Variants in ADAM22 observed in about 807,000 individuals in gnomAD.
ADAM22 encodes disintegrin and metalloproteinase domain-containing protein 22.
In ADAM22, 65 loss-of-function variants were observed where a neutral mutation model predicts 144.6. That is an observed-to-expected ratio of 0.45 (90% confidence interval 0.37 to 0.55). ADAM22 has a LOEUF of 0.55. Among genes scored for constraint, ADAM22 ranks in the 20% least tolerant of loss-of-function variants. ADAM22 has a pLI of 0.00. For synonymous variants in ADAM22, 391 were observed against 412.6 expected (o/e 0.95, Z 0.63); for missense variants, 974 against 1,184.9 (o/e 0.82, Z 2.61).
chr7:88,167,302 C>A (rs543259106), intron 24 of ADAM22, among the ~76,000 whole-genome samples: 2 of 152,296 alleles, frequency 1.3e-5, no homozygotes, highest in Admixed American at 1.3e-4. Flanking sequence ...TCAGCCTTTT[C>A]TGCCTTTGAG....
intron 2 of ADAM22, among the ~76,000 whole-genome samples, chr7:87,953,664 G>A (rs1845827621): frequency 6.6e-6 from 1 of 152,186 alleles, no homozygotes; most frequent in Non-Finnish European, 1.5e-5. Flanking sequence ...AGGTCCGCTT[G>A]TTGCAGAGCT....
chr7:88,114,160 T>C (rs1827125353), intron 5 of ADAM22, among the ~76,000 whole-genome samples: 1 of 152,132 alleles, frequency 6.6e-6, no homozygotes, highest in Admixed American at 6.6e-5. Context: ...GCGTTCTCAG[T>C]ATAGTCCCTG....
intron 3 of ADAM22, among the ~76,000 whole-genome samples, chr7:88,054,631 T>TGA (rs1807681446): frequency 1.4e-5 from 2 of 146,406 alleles, no homozygotes; most frequent in Non-Finnish European, 3.0e-5. Context: ...TGTGTGTGTG[T>TGA]GATTCCTCTG....
chr7:88,093,936 C>G (rs1360637825), intron 4 of ADAM22, among the ~76,000 whole-genome samples: 1 of 152,086 alleles, frequency 6.6e-6, no homozygotes, highest in Non-Finnish European at 1.5e-5. Flanking sequence ...CATAAAAACT[C>G]AGGCATGTGG....
At chr7:88,180,503 A>G (rs1846730724) in intron 27 of ADAM22, among the ~76,000 whole-genome samples, 1 of 152,074 alleles carries the variant, frequency 6.6e-6, no homozygotes, top group Non-Finnish European at 1.5e-5. Context: ...ATTTATTTTC[A>G]CTGATCAGTA....
chr7:87,974,857 C>T (rs980781127), intron 2 of ADAM22, among the ~76,000 whole-genome samples: 13 of 152,142 alleles, frequency 8.5e-5, no homozygotes, highest in African/African-American at 3.1e-4. Flanking sequence ...TAGAGGCTGT[C>T]TGCATTCCTT....
intron 2 of ADAM22, among the ~76,000 whole-genome samples, chr7:87,944,316 T>C (rs963804656): frequency 1.3e-5 from 2 of 151,860 alleles, no homozygotes; most frequent in African/African-American, 2.4e-5. Context: ...TGGTCATTGC[T>C]CAAGCTTTTT....
At chr7:88,127,378 C>T (rs1027756725) in intron 8 of ADAM22, among the ~76,000 whole-genome samples, 1 of 151,878 alleles carries the variant, frequency 6.6e-6, no homozygotes, top group Non-Finnish European at 1.5e-5. Context: ...AACTCTTTGA[C>T]ATTAACAAAA....
intron 3 of ADAM22, among the ~76,000 whole-genome samples, chr7:87,993,474 A>G (rs974501891): frequency 1.3e-5 from 2 of 152,246 alleles, no homozygotes; most frequent in African/African-American, 4.8e-5. Context: ...ATTGCACAAT[A>G]ATAGCCCTGG....
intron 4 of ADAM22, among the ~76,000 whole-genome samples, chr7:88,101,116 A>T (rs1386888436): frequency 6.6e-6 from 1 of 151,704 alleles, no homozygotes; most frequent in Non-Finnish European, 1.5e-5. Context: ...GCAGATTTTT[A>T]AAATACCCAG....
At chr7:88,136,082 T>G (rs763608240) in intron 14 of ADAM22, 51 bp downstream of exon 14, 1 of 1,536,950 alleles carries the variant, frequency 6.5e-7, no homozygotes, top group Non-Finnish European at 8.9e-7. Flanking sequence ...CCTGCTGTGC[T>G]GTTGTCTTCT....
chr7:87,974,034 A>C (rs1459050977), intron 2 of ADAM22, among the ~76,000 whole-genome samples: 2 of 151,920 alleles, frequency 1.3e-5, no homozygotes, highest in Admixed American at 6.6e-5. Flanking sequence ...ACATGTATAC[A>C]TATGTAACAA....
intron 3 of ADAM22, among the ~76,000 whole-genome samples, chr7:88,000,262 G>A (rs1352903933): frequency 3.9e-5 from 6 of 152,002 alleles, no homozygotes; most frequent in African/African-American, 1.5e-4. Flanking sequence ...TCTCCATGTA[G>A]TAAAGTGTTG....
At position 87,950,110 on chromosome 7, in the gene ADAM22, G is replaced by A. The variant is rs376191545; in HGVS notation, c.246+14924G>A. 1.6e-4 allele frequency among the ~76,000 whole-genome samples: 24 copies of A among 151,938 alleles called. No homozygotes were observed. In the East Asian group the frequency reaches 4.1e-3, roughly 26 times the overall value. On this transcript the variant is annotated intron_variant, in intron 2 of 31. Transcript: ENST00000413139. ...GAATTTATATCTCAGTGTAAAAGGA[G>A]GCTGTGAAAGTAGCTTTGTAATGTT...
At chr7:88,016,942 A>G (rs1378938686) in intron 3 of ADAM22, among the ~76,000 whole-genome samples, 1 of 152,078 alleles carries the variant, frequency 6.6e-6, no homozygotes, top group Non-Finnish European at 1.5e-5. Flanking sequence ...TTATACTGAG[A>G]CCTTGTCGCT....
At chr7:87,968,467 G>A (rs922473414) in intron 2 of ADAM22, among the ~76,000 whole-genome samples, 3 of 152,058 alleles carry the variant, frequency 2.0e-5, no homozygotes, top group Non-Finnish European at 4.4e-5. Flanking sequence ...GAGCCCAGGA[G>A]TTTGAGGCTG....
intron 3 of ADAM22, among the ~76,000 whole-genome samples, chr7:88,057,199 A>G (rs1469610040): frequency 6.6e-6 from 1 of 151,988 alleles, no homozygotes; most frequent in Non-Finnish European, 1.5e-5. Flanking sequence ...GGCTCAAGCA[A>G]TCCTCCTGTA....
intron 3 of ADAM22, among the ~76,000 whole-genome samples, chr7:87,989,202 C>T (rs1339427313): frequency 6.6e-6 from 1 of 152,144 alleles, no homozygotes; most frequent in South Asian, 2.1e-4. Flanking sequence ...TGAATGGGTT[C>T]TTTAATTAAA....
At position 87,967,763 on chromosome 7, in the gene ADAM22, G is replaced by A. The variant is rs1034746361; in HGVS notation, c.247-10573G>A. 6.3e-5 allele frequency among the ~76,000 whole-genome samples: 8 copies of A among 126,778 alleles called. No homozygotes were observed. In the South Asian group the frequency reaches 1.0e-3, roughly 16 times the overall value. The allele number at this position is 126,778 out of a possible 152,430, so 83.2% of individuals were successfully genotyped here. ...GCAGAGGTTGCAGTGAGCTAAGATC[G>A]CACCACTGCACTCCAGCCTGAGCGA... On this transcript the variant is annotated intron_variant, in intron 2 of 31. Coordinates refer to ENST00000413139, the MANE Select transcript of ADAM22 (RefSeq NM_001324418.2).
Sources: gnomAD v4.1 joint callset for allele counts (sites outside exome capture counted in the v4.1 genomes callset) on GRCh38, gnomAD v4.1.1 for gene constraint, MANE v1.5 for transcripts, NCBI Gene and HGNC (gene_info 2026-07-23, HGNC 2026-07-21) for gene names.